CAMK2D: variants seen among roughly 807,000 people sequenced by gnomAD.
CAMK2D encodes calcium/calmodulin dependent protein kinase II delta.
CAMK2D carries 37 observed loss-of-function variants against 84.0 expected under a neutral mutation model. The observed-to-expected ratio is 0.44, with a 90% CI of 0.34 to 0.58. CAMK2D has a LOEUF of 0.58. CAMK2D is among the 20% of genes least tolerant of loss of function. CAMK2D has a pLI of 0.02. For synonymous variants in CAMK2D, 202 were observed against 212.5 expected, an observed-to-expected ratio of 0.95 and a Z score of 0.43; for missense variants, 448 against 652.5, an observed-to-expected ratio of 0.69 and a Z score of 3.41.
rs1251205904 is a variant in CAMK2D at position 113,460,200 on chromosome 4, G to C, written c.1253C>G (p.Ala418Gly). Residue 418 changes from alanine to glycine, a missense_variant, in exon 18 of 21, where the codon GCT (alanine) becomes GGT (glycine). Physicochemically the swap from Ala to Gly is moderately conservative, Grantham distance 60 (BLOSUM62 0). Coordinates refer to ENST00000511664, the MANE Select transcript of CAMK2D (RefSeq NM_001321571.2). ...CATCCCTTCCACTAAATTACCCAAA[G>C]CTTCAGGTTCAAAAGCAGTAAGGCC... ...DPGLTAFEPEALGNLVEGMDF... is the reference protein window; with the variant it reads ...DPGLTAFEPEGLGNLVEGMDF... 1.9e-6 allele frequency: 3 copies of C among 1,608,122 alleles called. No homozygotes were observed. In the South Asian group the frequency reaches 3.3e-5, roughly 18 times the overall value.
chr4:113,618,938 A>G (rs1043961863), intron 3 of CAMK2D, among the ~76,000 whole-genome samples: 2 of 152,170 alleles, frequency 1.3e-5, no homozygotes, highest in East Asian at 3.8e-4. Flanking sequence ...GATGTTTCTA[A>G]AGTAAAGAAT....
intron 2 of CAMK2D, among the ~76,000 whole-genome samples, chr4:113,739,514 A>G (rs2099588163): frequency 6.6e-6 from 1 of 152,204 alleles, no homozygotes; most frequent in African/African-American, 2.4e-5. Context: ...TAAAAGAAAA[A>G]TAGCCATCTA....
chr4:113,695,861 T>C (rs1389095073), intron 2 of CAMK2D, among the ~76,000 whole-genome samples: 2 of 152,100 alleles, frequency 1.3e-5, no homozygotes, highest in East Asian at 3.9e-4. Context: ...TCGCTCACAG[T>C]GTAAATGATA....
rs368983901 is a variant in CAMK2D, at chr4:113,502,915, A to G, written c.1086+21T>C. On this transcript the variant is annotated intron_variant, in intron 15 of 20. Transcript: ENST00000511664. ...TGTATAGTCTTGTTAAAGCAAGATG[A>G]TGTTGATTCTTTCTGAATACCTTGT... 5 of 1,549,436 alleles carry G rather than the reference A, an allele frequency of 3.2e-6. No homozygotes were observed. In the African/African-American group the frequency reaches 4.1e-5, roughly 13 times the overall value.
intron 3 of CAMK2D, among the ~76,000 whole-genome samples, chr4:113,629,671 C>T (rs549161455): frequency 6.6e-6 from 1 of 151,708 alleles, no homozygotes; most frequent in East Asian, 1.9e-4. Flanking sequence ...CAGTTTGGGG[C>T]CTCATGGCTA....
At chr4:113,490,701 G>A (rs983098265) in intron 16 of CAMK2D, among the ~76,000 whole-genome samples, 2 of 150,530 alleles carry the variant, frequency 1.3e-5, no homozygotes, top group African/African-American at 4.9e-5. Flanking sequence ...AGCTTCATGA[G>A]GATGGCATTG....
chr4:113,760,595 A>G (rs1273763432), intron 1 of CAMK2D, among the ~76,000 whole-genome samples: 1 of 152,172 alleles, frequency 6.6e-6, no homozygotes, highest in Non-Finnish European at 1.5e-5. Context: ...GCTAACCAGG[A>G]GGCATCTCTA....
chr4:113,619,683 C>G (rs899565846), intron 3 of CAMK2D, among the ~76,000 whole-genome samples: 1 of 152,168 alleles, frequency 6.6e-6, no homozygotes, highest in South Asian at 2.1e-4. Context: ...AGTCCCTAAG[C>G]AGCTTTTCAG....
rs775220710 is a variant in CAMK2D at position 113,460,259 on chromosome 4, T to G, written c.1212-18A>C. 7.3e-7 allele frequency: 1 copy of G among 1,361,914 alleles called. No individual in the cohort carries two copies. Among genetic ancestry groups the G allele is most frequent in the South Asian group, 1.2e-5 (1 of 83,290 alleles). 84.4% of individuals were successfully genotyped at this position (1,361,914 alleles called of 1,614,324 possible). ...AGATTTTTCTGTAAAAGAAAAATAA[T>G]GAAAACAACCAATTAATAGGTGCTT... On this transcript the variant is annotated intron_variant, in intron 17 of 20. Transcript: ENST00000511664.
intron 1 of CAMK2D, 31 bp downstream of exon 1, chr4:113,760,973 G>C: frequency 6.2e-6 from 10 of 1,614,000 alleles, no homozygotes; most frequent in Non-Finnish European, 8.5e-6. Context: ...GCTGGAAAGG[G>C]GATATGCGGA....
chr4:113,720,390 A>ACT lies in CAMK2D; in HGVS notation c.160+38928_160+38929dup, dbSNP rs1554076589. On this transcript the variant is annotated intron_variant, in intron 2 of 20. Transcript: ENST00000511664. ...CTCACACACACACACACACACACAC[A>ACT]CTCACACATTTTAAAAAAACGCCTT... 1.0e-3 allele frequency among the ~76,000 whole-genome samples: 152 copies of ACT among 150,948 alleles called. 1 individual carries two copies. The East Asian group carries it at 0.027, about 26-fold the overall frequency.
At chr4:113,516,260 A>ATCTT (rs1176600657) in intron 9 of CAMK2D, among the ~76,000 whole-genome samples, 1 of 152,184 alleles carries the variant, frequency 6.6e-6, no homozygotes, top group African/African-American at 2.4e-5. Flanking sequence ...CCTGAAGCTT[A>ATCTT]TCTTTGGCAG....
intron 8 of CAMK2D, among the ~76,000 whole-genome samples, chr4:113,528,668 CT>C (rs1376442844): frequency 3.3e-5 from 5 of 152,090 alleles, no homozygotes; most frequent in Non-Finnish European, 7.4e-5. Flanking sequence ...CTACAACCCC[CT>C]ATCTTTACAA....
In CAMK2D at chr4:113,481,232, T is replaced by A. The variant is rs187763384; in HGVS notation, c.1136-15628A>T. On this transcript the variant is annotated intron_variant, in intron 16 of 20. Coordinates refer to ENST00000511664, the MANE Select transcript of CAMK2D (RefSeq NM_001321571.2). The stretch of plus-strand genomic sequence containing the variant: ...GGCTGCTAGGACATGTCATGGTTGG[T>A]ATCCACTATGCTTCCTTCCTCTACC... Among the ~76,000 whole-genome samples the A allele has an allele frequency of 2.6e-5, 4 of 152,286 alleles. No homozygotes were observed. In the East Asian group the frequency reaches 7.7e-4, roughly 29 times the overall value.
At chr4:113,575,458 T>C (rs945605172) in intron 4 of CAMK2D, among the ~76,000 whole-genome samples, 1 of 152,226 alleles carries the variant, frequency 6.6e-6, no homozygotes, top group African/African-American at 2.4e-5. Flanking sequence ...TTCTTAAATA[T>C]GCAAAATATA....
intron 2 of CAMK2D, among the ~76,000 whole-genome samples, chr4:113,666,809 ATTTTTACCTTGCTGGCC>A (rs1455193848): frequency 1.3e-5 from 2 of 152,042 alleles, no homozygotes; most frequent in Non-Finnish European, 2.9e-5. Flanking sequence ...TCTATCACTA[ATTTTTACCTTGCTGGCC>A]TTTCGGCTTG....
chr4:113,638,279 T>G (rs1281932394), intron 3 of CAMK2D, among the ~76,000 whole-genome samples: 2 of 151,956 alleles, frequency 1.3e-5, no homozygotes, highest in African/African-American at 4.8e-5. Context: ...TGTGTGTATG[T>G]GTGTGTGTGT....
At chr4:113,529,385 A>C (rs1487776060) in intron 8 of CAMK2D, among the ~76,000 whole-genome samples, 1 of 152,206 alleles carries the variant, frequency 6.6e-6, no homozygotes, top group Non-Finnish European at 1.5e-5. Flanking sequence ...AAGTCTAAAA[A>C]ATTATTTTCA....
intron 5 of CAMK2D, chr4:113,548,572 C>T: frequency 1.5e-6 from 1 of 646,630 alleles, no homozygotes; most frequent in South Asian, 2.0e-5. Context: ...GCAAGGGAAC[C>T]ATTTTAAATA....
Sources: gnomAD v4.1 joint callset for allele counts (sites outside exome capture counted in the v4.1 genomes callset) on GRCh38, gnomAD v4.1.1 for gene constraint, MANE v1.5 for transcripts, NCBI Gene and HGNC (gene_info 2026-07-23, HGNC 2026-07-21) for gene names.